The following RHOC variants were observed in gnomAD, a reference collection of about 807,000 sequenced individuals.
RHOC encodes rho-related GTP-binding protein RhoC.
Under a neutral mutation model 19.5 loss-of-function variants are expected in RHOC, and 13 were observed. That is an observed-to-expected ratio of 0.67 (90% CI 0.43 to 1.06). The LOEUF is 1.06. Ranked by LOEUF, RHOC falls within the 50% of genes least tolerant of loss-of-function variation. The pLI, the probability that RHOC is intolerant of heterozygous loss-of-function variation, is 0.00. For missense variants in RHOC, 173 were observed against 256.9 expected (o/e 0.67, Z 2.23); for synonymous variants, 106 against 97.3 (o/e 1.09, Z -0.52).
At chr1:112,707,361 G>A (rs1414863170), upstream of RHOC, 1 of 152,666 alleles carries the variant, frequency 6.6e-6, no homozygotes, top group Non-Finnish European at 1.5e-5. Flanking sequence ...GCGAGCGGGG[G>A]GAGCACGACC....
intron 3 of RHOC, 196 bp downstream of exon 3, chr1:112,703,448 C>T (rs1482698821): frequency 1.4e-6 from 1 of 728,468 alleles, no homozygotes; most frequent in African/African-American, 1.7e-5. Context: ...GCCCAGGTTA[C>T]AGAGCCAGTC....
rs201226670 is a variant in RHOC at position 112,701,724 on chromosome 1, A to C, written c.409-11T>G. The C allele has an allele frequency of 1.9e-6, 3 of 1,613,584 alleles. No individual in the cohort carries two copies. Among genetic ancestry groups the C allele is most frequent in the South Asian group, 1.1e-5 (1 of 91,072 alleles). On this transcript the variant is annotated splice_polypyrimidine_tract_variant and intron_variant, in intron 5 of 5. Coordinates refer to ENST00000339083, the MANE Select transcript of RHOC (RefSeq NM_175744.5). ...AGACCGAACGGGCTCCTGAGAAGAC[A>C]TAAGATGAGGGGTCAAAGGAAGCTG...
chr1:112,706,458 CACACACCACACACACACACA>C (rs1674862339), intron 1 of RHOC, among the ~76,000 whole-genome samples: 5 of 24,914 alleles, frequency 2.0e-4, no homozygotes, highest in African/African-American at 5.5e-4. Context: ...CACACACACA[CACACACCACACACACACACA>C]CACACACACA....
chr1:112,704,992 G>A (rs913503551), intron 2 of RHOC, 108 bp downstream of exon 2: 16 of 659,766 alleles, frequency 2.4e-5, no homozygotes, highest in South Asian at 9.7e-5. Flanking sequence ...TCAGCTTCCC[G>A]GGCTTCCATG....
At position 112,706,508 on chromosome 1, in the gene RHOC, A is replaced by ACACCCACAC. The variant is rs1674893328; in HGVS notation, c.-77+569_-77+570insGTGTGGGTG. Among the ~76,000 whole-genome samples, 18 of 71,984 alleles carry ACACCCACAC rather than the reference A, an allele frequency of 2.5e-4. No individual in the cohort carries two copies. The South Asian group carries it at 5.1e-3, about 20-fold the overall frequency. 47.2% of individuals were successfully genotyped at this position (71,984 alleles called of 152,430 possible). A position where few individuals can be genotyped will look rare whatever the true frequency, so the allele number is the denominator to read the frequency against. ...CACACACACACACACACACACACAC[A>ACACCCACAC]CACACACACACACACACACACACAC... On this transcript the variant is annotated intron_variant, in intron 1 of 5. Transcript: ENST00000339083.
At chr1:112,702,911 C>G (rs1674706111) in intron 4 of RHOC, 88 bp downstream of exon 4, 1 of 1,451,310 alleles carries the variant, frequency 6.9e-7, no homozygotes, top group Non-Finnish European at 9.6e-7. Context: ...CCCACCCCCA[C>G]CTCTGAAGAT....
intron 1 of RHOC, among the ~76,000 whole-genome samples, chr1:112,706,464 CCACACACACACACACACACACACA>C (rs57078670): frequency 0.029 from 658 of 22,866 alleles, 13 homozygotes; most frequent in African/African-American, 0.03. Context: ...CACACACACA[CCACACACACACACACACACACACA>C]CACACACACA....
chr1:112,702,833 A>C, intron 4 of RHOC, 140 bp from the exon 5 acceptor site: 1 of 1,365,860 alleles, frequency 7.3e-7, no homozygotes, highest in Non-Finnish European at 1.0e-6. Flanking sequence ...CCTCAACAGT[A>C]GTATGCCCTC....
intron 4 of RHOC, 83 bp downstream of exon 4, chr1:112,702,916 G>GA: frequency 6.9e-7 from 1 of 1,442,772 alleles, no homozygotes; most frequent in Non-Finnish European, 9.6e-7. Flanking sequence ...CCCCACCTCT[G>GA]AAGATGACTG....
chr1:112,705,796 A>G, intron 1 of RHOC: 1 of 405,986 alleles, frequency 2.5e-6, no homozygotes, highest in Non-Finnish European at 5.0e-6. Context: ...ATGGAGGGCA[A>G]TCACTACTGG....
chr1:112,705,819 T>A, intron 1 of RHOC: 1 of 379,986 alleles, frequency 2.6e-6, no homozygotes, highest in Non-Finnish European at 5.3e-6. Flanking sequence ...TGAAAGCCAG[T>A]CACTTAGGCA....
In RHOC at chr1:112,703,818, G is replaced by A. The variant is rs896061382; in HGVS notation, c.-7-12C>T. On this transcript the variant is annotated splice_polypyrimidine_tract_variant and intron_variant, in intron 2 of 5. Coordinates refer to ENST00000339083, the MANE Select transcript of RHOC (RefSeq NM_175744.5). Reference sequence around the variant, plus strand: ...CAGCCATGGTGGGGCTGCCAGGAAAGACGTATTGGGGATTTGAGGAAAAGC... The same window carrying A: ...CAGCCATGGTGGGGCTGCCAGGAAAAACGTATTGGGGATTTGAGGAAAAGC... 7.5e-6 allele frequency: 12 copies of A among 1,603,864 alleles called. No homozygotes were observed. The highest frequency in any genetic ancestry group is 1.0e-5 in the Non-Finnish European group (12 of 1,175,872).
At chr1:112,705,707 C>T (rs1173787588) in intron 1 of RHOC, 24 of 455,796 alleles carry the variant, frequency 5.3e-5, no homozygotes, top group Non-Finnish European at 1.3e-5. Flanking sequence ...TCCAACTCCT[C>T]CACCCACTCC....
At chr1:112,703,407 G>A (rs1008083982) in intron 3 of RHOC, 1 of 717,266 alleles carries the variant, frequency 1.4e-6, no homozygotes, top group Non-Finnish European at 2.5e-6. Context: ...TTGCAGGTGG[G>A]GGAGCTTAAA....
intron 4 of RHOC, 64 bp from the exon 5 acceptor site, chr1:112,702,757 G>T (rs911252732): frequency 1.3e-6 from 2 of 1,598,406 alleles, no homozygotes; most frequent in Admixed American, 3.4e-5. Flanking sequence ...CCCCTGGGGG[G>T]GCCCTCATCT....
At chr1:112,705,462 G>A (rs918009838) in intron 1 of RHOC, 3 of 574,894 alleles carry the variant, frequency 5.2e-6, no homozygotes, top group Admixed American at 4.7e-5. Flanking sequence ...CCCTTCCCTT[G>A]CCTCCAGACA....
chr1:112,702,144 G>T (rs1450807589), intron 5 of RHOC, among the ~76,000 whole-genome samples: 1 of 152,078 alleles, frequency 6.6e-6, no homozygotes, highest in Non-Finnish European at 1.5e-5. Flanking sequence ...CCACTTACAG[G>T]TCCCTGAATA....
rs1570833195 is a variant in RHOC at position 112,704,653 on chromosome 1, G to A, written c.-8+447C>T. 3.2e-5 allele frequency: 6 copies of A among 184,848 alleles called. No homozygotes were observed. The South Asian group carries it at 6.9e-4, about 21-fold the overall frequency. The allele number at this position is 184,848 out of a possible 1,614,324, so 11.5% of individuals were successfully genotyped here. A position where few individuals can be genotyped will look rare whatever the true frequency, so the allele number is the denominator to read the frequency against. ...ACCCAGACAGAGGACAGGGGTAGCA[G>A]CCAGCCAGCTTCCCTGGTCCACCCC... is the stretch of plus-strand genomic sequence containing the variant. On this transcript the variant is annotated intron_variant, in intron 2 of 5. Coordinates refer to ENST00000339083, the MANE Select transcript of RHOC (RefSeq NM_175744.5).
chr1:112,703,899 A>G, intron 2 of RHOC, 93 bp from the exon 3 acceptor site: 1 of 1,232,596 alleles, frequency 8.1e-7, no homozygotes, highest in Non-Finnish European at 1.1e-6. Context: ...AAACCGAGGC[A>G]TCTAGCAAAG....
Sources: allele counts gnomAD v4.1 joint callset (sites outside exome capture counted in the v4.1 genomes callset), GRCh38; gene constraint gnomAD v4.1.1; transcripts MANE v1.5; gene names NCBI Gene and HGNC (gene_info 2026-07-23, HGNC 2026-07-21).